The following ZNF704 variants were observed in gnomAD, a reference collection of about 807,000 sequenced individuals.
The protein encoded by ZNF704 is glucocorticoid induced gene 1.
Under a neutral mutation model 44.7 loss-of-function variants are expected in ZNF704, and 10 were observed. The observed-to-expected ratio is 0.22, with a 90% CI of 0.14 to 0.38. The LOEUF is 0.38. Among genes scored for constraint, ZNF704 ranks in the 10% least tolerant of loss-of-function variants. The pLI is 1.00. For missense variants in ZNF704, 390 were observed against 545.5 expected (o/e 0.71, Z 2.84); for synonymous variants, 211 against 207.6 (o/e 1.02, Z -0.14).
At chr8:80,827,645 G>A (rs1164226951) in intron 1 of ZNF704, among the ~76,000 whole-genome samples, 2 of 152,194 alleles carry the variant, frequency 1.3e-5, no homozygotes, top group African/African-American at 2.4e-5. Flanking sequence ...CAAGGCTGGA[G>A]GCATCACGCT....
intron 1 of ZNF704, among the ~76,000 whole-genome samples, chr8:80,855,716 C>G (rs1391395262): frequency 1.3e-5 from 2 of 152,104 alleles, no homozygotes; most frequent in African/African-American, 4.8e-5. Flanking sequence ...TCTGACTTCA[C>G]CACTATACAA....
chr8:80,864,120 T>C (rs1236717573), intron 1 of ZNF704, among the ~76,000 whole-genome samples: 6 of 152,200 alleles, frequency 3.9e-5, no homozygotes, highest in African/African-American at 1.4e-4. Flanking sequence ...AATACTTCCT[T>C]TTTTAGAAAC....
intron 2 of ZNF704, among the ~76,000 whole-genome samples, chr8:80,756,536 G>A (rs1050259782): frequency 5.3e-5 from 8 of 152,134 alleles, no homozygotes; most frequent in Admixed American, 1.3e-4. Flanking sequence ...GTAAAACTGA[G>A]GAACAGGTTG....
intron 2 of ZNF704, among the ~76,000 whole-genome samples, chr8:80,797,000 G>GCAAGC (rs1563556673): frequency 3.4e-5 from 5 of 148,178 alleles, no homozygotes; most frequent in African/African-American, 1.3e-4. Context: ...AGGAAGGAAG[G>GCAAGC]AAGCAAGCAA....
chr8:80,746,447 A>G (rs1253700955), intron 2 of ZNF704, among the ~76,000 whole-genome samples: 2 of 152,128 alleles, frequency 1.3e-5, no homozygotes, highest in Non-Finnish European at 2.9e-5. Context: ...ACTCTTCTAG[A>G]TATTGGGGAT....
chr8:80,854,836 A>G (rs2130014561), intron 1 of ZNF704, among the ~76,000 whole-genome samples: 1 of 152,252 alleles, frequency 6.6e-6, no homozygotes, highest in East Asian at 1.9e-4. Context: ...TATTGTAATT[A>G]CTTATTTGTT....
chr8:80,699,312 G>T (rs548139929), intron 2 of ZNF704, among the ~76,000 whole-genome samples: 1 of 152,212 alleles, frequency 6.6e-6, no homozygotes, highest in Admixed American at 6.5e-5. Flanking sequence ...TGTAGAAAAA[G>T]TGGTAAATGT....
intron 1 of ZNF704, among the ~76,000 whole-genome samples, chr8:80,835,580 A>G (rs949210654): frequency 2.0e-5 from 3 of 152,322 alleles, no homozygotes; most frequent in Non-Finnish European, 2.9e-5. Flanking sequence ...CACTTCACAC[A>G]AGATAGGGTG....
At chr8:80,848,904 T>C (rs952872849) in intron 1 of ZNF704, among the ~76,000 whole-genome samples, 4 of 152,194 alleles carry the variant, frequency 2.6e-5, no homozygotes, top group African/African-American at 9.6e-5. Context: ...GATTATACTA[T>C]TAGTTAAGAG....
At chr8:80,678,597 C>A (rs1374311456) in intron 4 of ZNF704, among the ~76,000 whole-genome samples, 1 of 152,172 alleles carries the variant, frequency 6.6e-6, no homozygotes, top group East Asian at 1.9e-4. Flanking sequence ...TATATTCATT[C>A]ATCACACAGA....
intron 2 of ZNF704, among the ~76,000 whole-genome samples, chr8:80,753,527 C>T (rs1277289329): frequency 1.3e-5 from 2 of 151,950 alleles, no homozygotes; most frequent in East Asian, 3.9e-4. Flanking sequence ...TTAAATGTGG[C>T]CTTCCCCATT....
At chr8:80,702,784 C>T (rs894002317) in intron 2 of ZNF704, among the ~76,000 whole-genome samples, 5 of 151,922 alleles carry the variant, frequency 3.3e-5, no homozygotes, top group African/African-American at 1.2e-4. Context: ...CAAGGTATGG[C>T]CGTGGGAGTA....
intron 2 of ZNF704, among the ~76,000 whole-genome samples, chr8:80,746,245 C>T (rs774318699): frequency 7.2e-5 from 11 of 152,130 alleles, no homozygotes; most frequent in Non-Finnish European, 1.0e-4. Context: ...TAGGTTCAAT[C>T]GCCTTTTATG....
At chr8:80,650,356 T>A (rs1283303353) in intron 7 of ZNF704, among the ~76,000 whole-genome samples, 1 of 152,050 alleles carries the variant, frequency 6.6e-6, no homozygotes, top group Non-Finnish European at 1.5e-5. Flanking sequence ...CTTCAGACGA[T>A]CAAACTACTC....
chr8:80,866,242 T>C (rs1053852071), intron 1 of ZNF704, among the ~76,000 whole-genome samples: 3 of 152,184 alleles, frequency 2.0e-5, no homozygotes, highest in African/African-American at 7.2e-5. Flanking sequence ...CTAATCTTGA[T>C]CTCATTAGGG....
chr8:80,651,274 C>T (rs1186952259), intron 7 of ZNF704, among the ~76,000 whole-genome samples: 1 of 152,164 alleles, frequency 6.6e-6, no homozygotes, highest in Non-Finnish European at 1.5e-5. Flanking sequence ...AGCAAAACAA[C>T]CAGCTAACAT....
chr8:80,711,410 G>A (rs1178067549), intron 2 of ZNF704, among the ~76,000 whole-genome samples: 1 of 152,204 alleles, frequency 6.6e-6, no homozygotes, highest in Non-Finnish European at 1.5e-5. Context: ...CTATGAATGG[G>A]AGGTCAGGGG....
intron 2 of ZNF704, among the ~76,000 whole-genome samples, chr8:80,810,196 C>T (rs890634795): frequency 2.6e-5 from 4 of 152,162 alleles, no homozygotes; most frequent in South Asian, 2.1e-4. Context: ...GCCAATCTTA[C>T]GGTATCACCT....
At chr8:80,821,303 C>T (rs2129880469) in intron 2 of ZNF704, 71 bp downstream of exon 2, 2 of 1,447,184 alleles carry the variant, frequency 1.4e-6, no homozygotes, top group Middle Eastern at 1.7e-4. Context: ...AGTCTGTACA[C>T]TGGCAGAGAT....
Sources: gnomAD v4.1 joint callset for allele counts (sites outside exome capture counted in the v4.1 genomes callset) on GRCh38, gnomAD v4.1.1 for gene constraint, MANE v1.5 for transcripts, NCBI Gene and HGNC (gene_info 2026-07-23, HGNC 2026-07-21) for gene names.